The following MCU variants were observed in gnomAD, a reference collection of about 807,000 sequenced individuals.
MCU encodes mitochondrial calcium uniporter, also known as calcium uniporter protein, mitochondrial.
MCU carries 12 observed loss-of-function variants against 45.2 expected under a neutral mutation model. The observed-to-expected ratio is 0.27, with a 90% CI of 0.17 to 0.43. The LOEUF (loss-of-function observed/expected upper bound fraction) is 0.43. Among genes scored for constraint, MCU ranks in the 20% least tolerant of loss-of-function variants. The pLI is 1.00. For synonymous variants in MCU, 160 were observed against 165.1 expected (o/e 0.97, Z 0.24); for missense variants, 324 against 436.7 (o/e 0.74, Z 2.30).
chr10:72,768,306 A>G (rs960532601), intron 1 of MCU, among the ~76,000 whole-genome samples: 2 of 152,186 alleles, frequency 1.3e-5, no homozygotes, highest in Admixed American at 6.6e-5. Context: ...TGAGATAGAC[A>G]TATGGTTTGT....
At chr10:72,768,482 G>A (rs577031288) in intron 1 of MCU, among the ~76,000 whole-genome samples, 2 of 152,306 alleles carry the variant, frequency 1.3e-5, no homozygotes, top group South Asian at 2.1e-4. Context: ...AAGTAGTGAA[G>A]TTATCAAACC....
intron 1 of MCU, among the ~76,000 whole-genome samples, chr10:72,797,517 C>T (rs571442445): frequency 2.0e-5 from 3 of 147,178 alleles, no homozygotes; most frequent in Admixed American, 6.9e-5. Flanking sequence ...TGAGCCACTG[C>T]GACTGGCCAT....
Position 72,726,955 on chromosome 10 carries a change from A to G in MCU, c.150+34654A>G, listed in dbSNP as rs150094782. Among the ~76,000 whole-genome samples the G allele has an allele frequency of 1.2e-4, 18 of 152,376 alleles. No homozygotes were observed. In the East Asian group the frequency reaches 1.9e-3, roughly 16 times the overall value. ...GTACAAAATAAAACAAAAGTCTTTC[A>G]TCAAAGCTCTAGTACCTGGAAAATA... On this transcript the variant is annotated intron_variant, in intron 1 of 7. Coordinates refer to ENST00000373053, the MANE Select transcript of MCU (RefSeq NM_138357.3).
intron 4 of MCU, 77 bp downstream of exon 4, chr10:72,860,604 T>C: frequency 8.7e-7 from 1 of 1,151,956 alleles, no homozygotes; most frequent in Non-Finnish European, 1.3e-6. Flanking sequence ...TTTCCTTGGG[T>C]AACCTTGAGA....
intron 1 of MCU, among the ~76,000 whole-genome samples, chr10:72,732,304 C>G (rs1362703350): frequency 1.3e-5 from 2 of 152,110 alleles, no homozygotes; most frequent in Non-Finnish European, 2.9e-5. Flanking sequence ...TTTTTAAGCT[C>G]CTTTTTAGTT....
intron 1 of MCU, among the ~76,000 whole-genome samples, chr10:72,744,341 T>A (rs1182332246): frequency 6.6e-6 from 1 of 152,094 alleles, no homozygotes; most frequent in African/African-American, 2.4e-5. Context: ...GATCCACAGA[T>A]TGACTTCATT....
intron 1 of MCU, among the ~76,000 whole-genome samples, chr10:72,799,854 C>T (rs74145960): frequency 0.04 from 6,084 of 152,164 alleles, 394 homozygotes; most frequent in African/African-American, 0.13. Context: ...CAAATAATAT[C>T]TGATAAGTAA....
intron 1 of MCU, among the ~76,000 whole-genome samples, chr10:72,733,581 G>T (rs1843209032): frequency 6.6e-6 from 1 of 151,966 alleles, no homozygotes; most frequent in Non-Finnish European, 1.5e-5. Context: ...ATCTTGTAAG[G>T]TTGTTGTGAA....
At chr10:72,784,904 A>G (rs987961262) in intron 1 of MCU, among the ~76,000 whole-genome samples, 5 of 152,138 alleles carry the variant, frequency 3.3e-5, no homozygotes, top group African/African-American at 1.2e-4. Flanking sequence ...GTGAGGAGCA[A>G]AACACACATG....
chr10:72,859,198 A>T lies in MCU; in HGVS notation c.242A>T (p.Asn81Ile). Residue 81 changes from asparagine (N) to isoleucine (I), a missense_variant, in exon 3 of 8, where the codon AAT (asparagine) becomes ATT (isoleucine). Physicochemically the swap from Asn to Ile is moderately radical, Grantham distance 149 (BLOSUM62 -3). Coordinates refer to ENST00000373053, the MANE Select transcript of MCU (RefSeq NM_138357.3). Reference sequence around the variant, plus strand: ...TCAGATGTTACAGTGGTTTATCAAAATGGGTTACCTGTGATATCTGTGAGG... The same window carrying T: ...TCAGATGTTACAGTGGTTTATCAAATTGGGTTACCTGTGATATCTGTGAGG... ...PSDDVTVVYQ[N>I]GLPVISVRLP... 1 of 1,599,618 alleles carries T rather than the reference A, an allele frequency of 6.3e-7. No homozygotes were observed. Among genetic ancestry groups the T allele is most frequent in the Non-Finnish European group, 8.5e-7 (1 of 1,173,942 alleles).
At chr10:72,830,756 A>T (rs1844866913) in intron 1 of MCU, among the ~76,000 whole-genome samples, 1 of 152,226 alleles carries the variant, frequency 6.6e-6, no homozygotes, top group Admixed American at 6.5e-5. Flanking sequence ...CTAATTATAT[A>T]AAGGAAGGTT....
intron 1 of MCU, among the ~76,000 whole-genome samples, chr10:72,771,951 T>G (rs1298407707): frequency 1.3e-5 from 2 of 152,186 alleles, no homozygotes; most frequent in Admixed American, 6.5e-5. Context: ...AAATAGTTTG[T>G]AAAATCTCCT....
chr10:72,732,081 G>A (rs2132685845), intron 1 of MCU, among the ~76,000 whole-genome samples: 1 of 152,214 alleles, frequency 6.6e-6, no homozygotes, highest in South Asian at 2.1e-4. Flanking sequence ...ATGTATGAGG[G>A]TTCCAATTGC....
At chr10:72,792,562 G>A (rs1008885437) in intron 1 of MCU, among the ~76,000 whole-genome samples, 8 of 152,078 alleles carry the variant, frequency 5.3e-5, no homozygotes, top group African/African-American at 1.9e-4. Flanking sequence ...GGGAATCCTA[G>A]GTCATGAAAA....
intron 1 of MCU, among the ~76,000 whole-genome samples, chr10:72,790,784 C>A (rs1844146870): frequency 6.6e-6 from 1 of 152,138 alleles, no homozygotes; most frequent in South Asian, 2.1e-4. Flanking sequence ...TGCAGAAGTT[C>A]TTTTGTGAAT....
chr10:72,835,861 C>G (rs966820682), intron 2 of MCU, among the ~76,000 whole-genome samples: 1 of 152,212 alleles, frequency 6.6e-6, no homozygotes, highest in African/African-American at 2.4e-5. Flanking sequence ...TGCCCCCAGT[C>G]AAGAGTCAGT....
rs147183360 is a variant in MCU at position 72,734,614 on chromosome 10, C to T, written c.150+42313C>T. On this transcript the variant is annotated intron_variant, in intron 1 of 7. Transcript: ENST00000373053. Reference sequence around the variant, plus strand: ...AACCAAGGTTTTAATAATTTCCTTACAAACAATCACTGTTTTTTTGAGACA... The same window carrying T: ...AACCAAGGTTTTAATAATTTCCTTATAAACAATCACTGTTTTTTTGAGACA... Among the ~76,000 whole-genome samples, 898 of 152,086 alleles carry T rather than the reference C, an allele frequency of 5.9e-3. 11 individuals are homozygous for T. Among genetic ancestry groups the T allele is most frequent in the African/African-American group, 0.02 (846 of 41,472 alleles).
chr10:72,692,370 CAGGCCGCCGGGGCA>C, intron 1 of MCU, 69 bp downstream of exon 1: 1 of 1,125,810 alleles, frequency 8.9e-7, no homozygotes, highest in African/African-American at 1.6e-5. Flanking sequence ...CGCCGGCGGG[CAGGCCGCCGGGGCA>C]GCAGGCGAGT....
At chr10:72,870,180 T>G (rs576996683) in intron 5 of MCU, among the ~76,000 whole-genome samples, 24 of 152,338 alleles carry the variant, frequency 1.6e-4, no homozygotes, top group Non-Finnish European at 2.9e-4. Flanking sequence ...ACAAATACTC[T>G]TAGTATTTTG....
Sources: allele counts gnomAD v4.1 joint callset (sites outside exome capture counted in the v4.1 genomes callset), GRCh38; gene constraint gnomAD v4.1.1; transcripts MANE v1.5; gene names NCBI Gene and HGNC (gene_info 2026-07-23, HGNC 2026-07-21).